Variants in ZFP57 observed in about 807,000 individuals in gnomAD.
ZFP57 encodes ZFP57 zinc finger protein.
In ZFP57, 12 loss-of-function variants were observed where a neutral mutation model predicts 15.8. The observed-to-expected ratio is 0.76, with a 90% CI of 0.49 to 1.23. The LOEUF (loss-of-function observed/expected upper bound fraction) is 1.23, where lower values mean the gene tolerates loss of function less well. ZFP57 is among the 50% of genes most tolerant of loss of function. The pLI, the probability that ZFP57 is intolerant of heterozygous loss-of-function variation, is 0.00. For missense variants in ZFP57, 536 were observed against 654.9 expected (o/e 0.82, Z 1.98); for synonymous variants, 203 against 242.3 (o/e 0.84, Z 1.51).
intron 2 of ZFP57, among the ~76,000 whole-genome samples, chr6:29,676,491 G>A (rs1416911887): frequency 2.1e-5 from 3 of 143,458 alleles, no homozygotes; most frequent in Admixed American, 1.5e-4. Context: ...AGCCAAGATC[G>A]CGCCACCGCA....
intron 1 of ZFP57, among the ~76,000 whole-genome samples, chr6:29,679,295 G>T (rs1337762290): frequency 6.6e-6 from 1 of 152,116 alleles, no homozygotes; most frequent in African/African-American, 2.4e-5. Context: ...AGAAAGAAAA[G>T]AATAAAGACC....
chr6:29,676,732 T>A, intron 2 of ZFP57, 149 bp downstream of exon 2: 1 of 994,380 alleles, frequency 1.0e-6, no homozygotes, highest in Non-Finnish European at 1.5e-6. Context: ...GTGCGGGAGA[T>A]GGAGAAAGGT....
Position 29,675,419 on chromosome 6 carries a change from ACT to A in ZFP57, c.317_318del (p.Glu106ValfsTer28), listed in dbSNP as rs606231121. Reference protein sequence around the residue: ...KLEQEEEQWREFVHLPNTEGL... With the variant: ...KLEQEEEQWRXFVHLPNTEGL... ...CCTTCTGTGTTTGGGAGATGGACAA[ACT>A]CTCTCCACTGTTCCTCTTCTTGCTC... On this transcript the variant is annotated frameshift_variant, in exon 4 of 5. Transcript: ENST00000376883. LOFTEE classifies it low-confidence loss of function (END_TRUNC). 1 of 1,613,776 alleles carries A rather than the reference ACT, an allele frequency of 6.2e-7. No individual in the cohort carries two copies. Among genetic ancestry groups the A allele is most frequent in the Non-Finnish European group, 8.5e-7 (1 of 1,179,946 alleles).
chr6:29,680,838 C>T (rs1484473167), intron 1 of ZFP57, among the ~76,000 whole-genome samples: 2 of 152,140 alleles, frequency 1.3e-5, no homozygotes, highest in Non-Finnish European at 2.9e-5. Context: ...GTGCCAGGAG[C>T]CCTTCCTCGG....
Position 29,672,531 on chromosome 6 carries a change from T to C in ZFP57, c.1580A>G (p.Lys527Arg), listed in dbSNP as rs780894497. 4.3e-6 allele frequency: 7 copies of C among 1,612,996 alleles called. No individual in the cohort carries two copies. Among genetic ancestry groups the C allele is most frequent in the Middle Eastern group, 1.6e-4 (1 of 6,062 alleles). The change falls in exon 5 of 5, where the codon AAG becomes AGG. Residue 527 changes from lysine (K) to arginine (R), a missense_variant. By Grantham distance (26) the Lys-to-Arg change is conservative. Transcript: ENST00000376883. ...ATGTTTCAAGATGCTCACTGCCTCC[T>C]TTGTTTTGTCTCCTTTGCAGGCCTT... is the stretch of plus-strand genomic sequence containing the variant. ...REKACKGDKT[K>R]EAVSILKHK
chr6:29,677,313 C>G lies in ZFP57; in HGVS notation c.-310G>C. The G allele has an allele frequency of 2.2e-6, 1 of 456,274 alleles. No individual in the cohort carries two copies. Among genetic ancestry groups the G allele is most frequent in the Admixed American group, 3.5e-5 (1 of 28,538 alleles). The allele number at this position is 456,274 out of a possible 1,614,324, so 28.3% of individuals were successfully genotyped here. A position where few individuals can be genotyped will look rare whatever the true frequency, so the allele number is the denominator to read the frequency against. On this transcript the variant is annotated 5_prime_UTR_variant, in exon 2 of 5. Transcript: ENST00000376883. The stretch of plus-strand genomic sequence containing the variant: ...CTCACCAGCTGCCATTGTTTAGTAA[C>G]AACACCAGCCTGGGCTAGGTGTCTG...
chr6:29,672,492 A>G lies in ZFP57; in HGVS notation c.*8T>C, dbSNP rs756378639. 1 of 1,612,238 alleles carries G rather than the reference A, an allele frequency of 6.2e-7. No individual in the cohort carries two copies. The highest frequency in any genetic ancestry group is 8.5e-7 in the Non-Finnish European group (1 of 1,179,508). On this transcript the variant is annotated 3_prime_UTR_variant, in exon 5 of 5. Coordinates refer to ENST00000376883, the MANE Select transcript of ZFP57 (RefSeq NM_001109809.5). ...AACACAAAGAAAGAGCTCAGTCAGA[A>G]AGGCCATTTATTTATGTTTCAAGAT...
In ZFP57 at chr6:29,675,926, C is replaced by A. The variant is rs767180243; in HGVS notation, c.250+7G>T. 24 of 1,613,022 alleles carry A rather than the reference C, an allele frequency of 1.5e-5. No individual in the cohort carries two copies. The South Asian group carries it at 2.5e-4, about 17-fold the overall frequency. On this transcript the variant is annotated splice_region_variant and intron_variant, in intron 3 of 4. Transcript: ENST00000376883. ...GGGGGCTTGCTGAGGGAAGCCCAGC[C>A]TCTTACCCACAGATGTTAGATTCTT...
intron 1 of ZFP57, among the ~76,000 whole-genome samples, chr6:29,678,051 G>T (rs1772163953): frequency 6.6e-6 from 1 of 152,042 alleles, no homozygotes; most frequent in Admixed American, 6.6e-5. Context: ...AATACAAAAA[G>T]AAAATAGCTG....
In ZFP57 at chr6:29,676,027, A is replaced by C. The variant is rs377042735; in HGVS notation, c.156T>G (p.Asn52Lys). Residue 52 changes from asparagine to lysine, a missense_variant, in exon 3 of 5, where the codon AAT becomes AAG. Transcript: ENST00000376883. Reference sequence around the variant, plus strand: ...GACAGTCCCACTCTTCCTGGGTGAAATTCACTGCCACATCCTCAAAGGTGA... The same window carrying C: ...GACAGTCCCACTCTTCCTGGGTGAACTTCACTGCCACATCCTCAAAGGTGA... ...KPVTFEDVAV[N>K]FTQEEWDCLD... is the part of the protein sequence containing the mutation. The C allele has an allele frequency of 4.3e-5, 69 of 1,613,324 alleles. No homozygotes were observed. In the African/African-American group the frequency reaches 8.5e-4, roughly 20 times the overall value.
Position 29,673,648 on chromosome 6 carries a change from C to G in ZFP57, c.463G>C (p.Ala155Pro). 1 of 1,612,730 alleles carries G rather than the reference C, an allele frequency of 6.2e-7. No homozygotes were observed. Among genetic ancestry groups the G allele is most frequent in the Non-Finnish European group, 8.5e-7 (1 of 1,179,838 alleles). ...CRGAGQCPLS[A>P]PAGTMDRTRV... ...GTCCTGTCCATAGTCCCAGCTGGGG[C>G]AGATAGGGGGCACTGGCCGGCCCCT... is the stretch of plus-strand genomic sequence containing the variant. Residue 155 changes from alanine to proline, a missense_variant, in exon 5 of 5, where the codon GCC becomes CCC. Transcript: ENST00000376883. The surrounding 1 kb of genome is among the most constrained non-coding windows in gnomAD (Gnocchi z 4.7).
chr6:29,676,917 C>T lies in ZFP57; in HGVS notation c.87G>A (p.Met29Ile), dbSNP rs1772104666. The T allele has an allele frequency of 2.5e-6, 4 of 1,614,222 alleles. No homozygotes were observed. The highest frequency in any genetic ancestry group is 2.2e-5 in the South Asian group (2 of 91,090). The change falls in exon 2 of 5, where the codon ATG (methionine) becomes ATA (isoleucine). Residue 29 changes from methionine to isoleucine, a missense_variant. By Grantham distance (10) the Met-to-Ile change is conservative (BLOSUM62 1). Transcript: ENST00000376883. The part of the protein sequence containing the change: ...GEVAATLQEA[M>I]KRDCWREARV... ...GTGCCTCCCTCCAGCAATCTCTCTT[C>T]ATGGCTTCCTGCAGGGTGGCAGCTA...
At chr6:29,674,094 C>CAA (rs1259618869) in intron 4 of ZFP57, among the ~76,000 whole-genome samples, 3 of 69,084 alleles carry the variant, frequency 4.3e-5, no homozygotes, top group Non-Finnish European at 2.8e-5. Flanking sequence ...AACTCTGTCT[C>CAA]AAAAAAAAAA....
chr6:29,676,819 T>TA (rs1772099599), intron 2 of ZFP57, 62 bp downstream of exon 2: 1 of 1,603,452 alleles, frequency 6.2e-7, no homozygotes, highest in South Asian at 1.1e-5. Flanking sequence ...CAGGAGTATG[T>TA]ATGAAAGAGC....
In ZFP57 at chr6:29,673,383, G is replaced by C; in HGVS notation, c.728C>G (p.Ala243Gly). 1 of 1,613,046 alleles carries C rather than the reference G, an allele frequency of 6.2e-7. No individual in the cohort carries two copies. Among genetic ancestry groups the C allele is most frequent in the Non-Finnish European group, 8.5e-7 (1 of 1,180,030 alleles). ...CTLCDKTYCDASGLSRHRRVH... is the reference protein window; with the variant it reads ...CTLCDKTYCDGSGLSRHRRVH... ...GCGGCGGTGACGACTTAGTCCAGAA[G>C]CATCACAGTAGGTCTTGTCACAGAG... Residue 243 changes from alanine to glycine, a missense_variant, in exon 5 of 5, where the codon GCT (alanine) becomes GGT (glycine). Physicochemically the swap from Ala to Gly is moderately conservative, Grantham distance 60. Transcript: ENST00000376883. This position sits in a 1 kb window ranked among gnomAD's most constrained non-coding sequence, Gnocchi z 4.7.
intron 1 of ZFP57, among the ~76,000 whole-genome samples, chr6:29,680,281 C>A (rs755360542): frequency 2.2e-4 from 33 of 152,162 alleles, no homozygotes; most frequent in Non-Finnish European, 4.3e-4. Context: ...AATGTGTCGT[C>A]GCCATCTTTC....
rs757570725 is a variant in ZFP57 at position 29,673,102 on chromosome 6, C to T, written c.1009G>A (p.Glu337Lys). ...ARSQEPIFRT[E>K]GPMAQNQASV... ...GCCTGGTTCTGGGCCATAGGACCCT[C>T]AGTTCTAAATATGGGTTCCTGGGAC... The change falls in exon 5 of 5, where the codon GAG becomes AAG. Residue 337 changes from glutamate to lysine, a missense_variant. By Grantham distance (56) the Glu-to-Lys change is moderately conservative. Transcript: ENST00000376883. This position sits in a 1 kb window ranked among gnomAD's most constrained non-coding sequence, Gnocchi z 4.7. The T allele has an allele frequency of 3.7e-6, 6 of 1,612,892 alleles. No homozygotes were observed. The highest frequency in any genetic ancestry group is 3.3e-5 in the Admixed American group (2 of 59,988).
chr6:29,674,439 T>C (rs1235210044), intron 4 of ZFP57, among the ~76,000 whole-genome samples: 1 of 152,240 alleles, frequency 6.6e-6, no homozygotes, highest in Non-Finnish European at 1.5e-5. Flanking sequence ...CTTTCAACAC[T>C]GTCAGAAATG....
Position 29,676,984 on chromosome 6 carries a change from G to A in ZFP57, c.20C>T (p.Pro7Leu). Residue 7 changes from proline to leucine, a missense_variant, in exon 2 of 5, where the codon CCA (proline) becomes CTA (leucine). Physicochemically the swap from Pro to Leu is moderately conservative, Grantham distance 98. Transcript: ENST00000376883. ...GAGCGTCTTCTGTACAGGTTCGATT[G>A]GCTTCAGCTGTTCAAACATCTTCTC... MFEQLK[P>L]IEPVQKTLPW... The A allele has an allele frequency of 6.2e-7, 1 of 1,614,170 alleles. No individual in the cohort carries two copies. Among genetic ancestry groups the A allele is most frequent in the Non-Finnish European group, 8.5e-7 (1 of 1,180,032 alleles).
Sources: allele counts gnomAD v4.1 joint callset (sites outside exome capture counted in the v4.1 genomes callset), GRCh38; gene constraint gnomAD v4.1.1; non-coding constraint Gnocchi (gnomAD v3.1); transcripts MANE v1.5; gene names NCBI Gene and HGNC (gene_info 2026-07-23, HGNC 2026-07-21).